The following UMODL1 variants were observed in gnomAD, a reference collection of about 807,000 sequenced individuals.
UMODL1 encodes the protein uromodulin-like 1.
UMODL1 carries 128 observed loss-of-function variants against 136.3 expected under a neutral mutation model. The observed-to-expected ratio is 0.94, with a 90% CI of 0.81 to 1.09. The LOEUF (loss-of-function observed/expected upper bound fraction) is 1.09. Among genes scored for constraint, UMODL1 ranks in the 50% least tolerant of loss-of-function variants. The probability of loss-of-function intolerance (pLI) is 0.00; values close to 1 mark genes in which losing one functional copy is unlikely to be tolerated. For missense variants in UMODL1, 1,766 were observed against 1,725.6 expected, an observed-to-expected ratio of 1.02 and a Z score of -0.41; for synonymous variants, 721 against 720.0, an observed-to-expected ratio of 1.00 and a Z score of -0.02.
intron 9 of UMODL1, among the ~76,000 whole-genome samples, chr21:42,104,455 CT>C (rs536063448): frequency 3.2e-4 from 46 of 143,658 alleles, no homozygotes; most frequent in Admixed American, 3.5e-4. Flanking sequence ...CTTTTCTTTT[CT>C]TTTTTTTTTT....
Position 42,119,169 on chromosome 21 carries a change from T to G in UMODL1, c.2534T>G (p.Met845Arg), listed in dbSNP as rs1183930242. 1 of 1,613,978 alleles carries G rather than the reference T, an allele frequency of 6.2e-7. No homozygotes were observed. Among genetic ancestry groups the G allele is most frequent in the African/African-American group, 1.3e-5 (1 of 74,942 alleles). ...CACATGGACGCTGGTGGGGTCAGGA[T>G]GGAAGTCGTCAGCGTCACCAACGGC... is the stretch of plus-strand genomic sequence containing the variant. ...CQHMDAGGVR[M>R]EVVSVTNGSI... Residue 845 changes from methionine (M) to arginine (R), a missense_variant, in exon 15 of 23, where the codon ATG (methionine) becomes AGG (arginine). By Grantham distance (91) the Met-to-Arg change is moderately conservative (BLOSUM62 -1). Transcript: ENST00000408910.
intron 20 of UMODL1, among the ~76,000 whole-genome samples, chr21:42,129,030 C>T (rs917830182): frequency 2.0e-5 from 3 of 151,688 alleles, no homozygotes; most frequent in Non-Finnish European, 2.9e-5. Context: ...CTGGTGGCCT[C>T]GGGCGTTCCT....
At chr21:42,137,359 C>G in intron 21 of UMODL1, 80 bp from the exon 22 acceptor site, 1 of 1,545,540 alleles carries the variant, frequency 6.5e-7, no homozygotes, top group South Asian at 1.2e-5. Context: ...CCATCAGCCC[C>G]GGATCCGGGT....
At chr21:42,115,736 T>C in intron 13 of UMODL1, 137 bp from the exon 14 acceptor site, 2 of 647,474 alleles carry the variant, frequency 3.1e-6, no homozygotes, top group East Asian at 3.1e-5. Context: ...CCTGGCACTA[T>C]TCCTTCTTTC....
At chr21:42,102,079 C>A in intron 7 of UMODL1, 87 bp from the exon 8 acceptor site, 3 of 998,530 alleles carry the variant, frequency 3.0e-6, no homozygotes, top group Non-Finnish European at 4.5e-6. Flanking sequence ...AAAATTATCC[C>A]GCCAAAGAGT....
intron 13 of UMODL1, among the ~76,000 whole-genome samples, 155 bp downstream of exon 13, chr21:42,113,985 G>C (rs960778293): frequency 2.0e-5 from 3 of 152,256 alleles, no homozygotes; most frequent in Admixed American, 6.5e-5. Context: ...CAGCAGGCGT[G>C]CAATGACGGC....
chr21:42,115,476 G>A (rs754307251), intron 13 of UMODL1, among the ~76,000 whole-genome samples: 1 of 152,226 alleles, frequency 6.6e-6, no homozygotes. Context: ...TTATACCTGG[G>A]ACAGCCCAGT....
chr21:42,076,234 C>T lies in UMODL1; in HGVS notation c.306C>T (p.Leu102=), dbSNP rs760824760. 2 of 1,614,244 alleles carry T rather than the reference C, an allele frequency of 1.2e-6. No individual in the cohort carries two copies. Among genetic ancestry groups the T allele is most frequent in the East Asian group, 4.5e-5 (2 of 44,886 alleles). Residue 102 remains leucine (L), a synonymous_variant, in exon 2 of 23, where the codon CTC becomes CTT. Coordinates refer to ENST00000408910, the MANE Select transcript of UMODL1 (RefSeq NM_001004416.3). ...GTGAGGGCTATGAACAGCTCGGCCT[C>T]TACTGTGTCTTGCGTGAGTCCAGGG... is the stretch of plus-strand genomic sequence containing the variant. The part of the protein sequence containing the change: ...DCCEGYEQLG[L]YCVLPLNQSG...
At chr21:42,120,469 C>G (rs570622185) in intron 15 of UMODL1, 2 of 152,300 alleles carry the variant, frequency 1.3e-5, no homozygotes, top group South Asian at 4.1e-4. Flanking sequence ...GCTAAGTTAC[C>G]AGGTGTCCCC....
At chr21:42,101,491 T>C (rs1203030794) in intron 7 of UMODL1, among the ~76,000 whole-genome samples, 5 of 152,226 alleles carry the variant, frequency 3.3e-5, no homozygotes, top group Admixed American at 2.0e-4. Flanking sequence ...GGGGCACAGC[T>C]GCAGGTGGCT....
rs2066679638 is a variant in UMODL1 at position 42,104,090 on chromosome 21, A to G, written c.1519+3A>G. On this transcript the variant is annotated splice_donor_region_variant and intron_variant, in intron 9 of 22. Coordinates refer to ENST00000408910, the MANE Select transcript of UMODL1 (RefSeq NM_001004416.3). ...CCGGCAGGGGACACGCGTGCAAGGTATGGCCCAGCCACCCGCCCTGCTGCC... is the reference window on the plus strand; with the variant it reads ...CCGGCAGGGGACACGCGTGCAAGGTGTGGCCCAGCCACCCGCCCTGCTGCC... 1 of 1,603,652 alleles carries G rather than the reference A, an allele frequency of 6.2e-7. No individual in the cohort carries two copies. Among genetic ancestry groups the G allele is most frequent in the Non-Finnish European group, 8.5e-7 (1 of 1,172,516 alleles).
At chr21:42,072,385 C>T (rs1014333977) in intron 1 of UMODL1, among the ~76,000 whole-genome samples, 3 of 152,164 alleles carry the variant, frequency 2.0e-5, no homozygotes, top group African/African-American at 4.8e-5. Context: ...ACTACTTTAA[C>T]GTTTTTCACC....
chr21:42,093,776 G>A (rs1034095930), intron 6 of UMODL1: 6 of 416,812 alleles, frequency 1.4e-5, no homozygotes, highest in African/African-American at 1.2e-4. Flanking sequence ...GGAAAGAGAG[G>A]TTTTCACAGT....
chr21:42,119,734 T>G (rs2146522967), intron 15 of UMODL1, among the ~76,000 whole-genome samples: 1 of 152,332 alleles, frequency 6.6e-6, no homozygotes, highest in Admixed American at 6.5e-5. Flanking sequence ...GATTCTTTTC[T>G]CCTATCATAC....
chr21:42,080,439 C>A (rs1185891071), intron 2 of UMODL1, among the ~76,000 whole-genome samples: 1 of 152,182 alleles, frequency 6.6e-6, no homozygotes. Context: ...TCCTATCCCC[C>A]AGACAGTGGT....
At chr21:42,088,159 T>C (rs2066447133) in intron 4 of UMODL1, 135 bp from the exon 5 acceptor site, 1 of 868,644 alleles carries the variant, frequency 1.2e-6, no homozygotes, top group Non-Finnish European at 1.7e-6. Flanking sequence ...AGATAAGTAC[T>C]GTAGAGGTTC....
chr21:42,141,110 G>A (rs1296040621), intron 22 of UMODL1, among the ~76,000 whole-genome samples: 1 of 152,170 alleles, frequency 6.6e-6, no homozygotes, highest in Non-Finnish European at 1.5e-5. Flanking sequence ...GCAAAGTATA[G>A]TAGACACTGG....
At chr21:42,108,053 G>A (rs986201181) in intron 9 of UMODL1, among the ~76,000 whole-genome samples, 1 of 152,224 alleles carries the variant, frequency 6.6e-6, no homozygotes, top group Non-Finnish European at 1.5e-5. Flanking sequence ...TGGAGGGCCG[G>A]CAAGCCTCAA....
chr21:42,139,653 G>A (rs926000263), intron 22 of UMODL1, among the ~76,000 whole-genome samples: 3 of 152,168 alleles, frequency 2.0e-5, no homozygotes, highest in African/African-American at 4.8e-5. Flanking sequence ...GCATGACCCA[G>A]CACCGACCCA....
Sources: allele counts gnomAD v4.1 joint callset (sites outside exome capture counted in the v4.1 genomes callset), GRCh38; gene constraint gnomAD v4.1.1; transcripts MANE v1.5; gene names NCBI Gene and HGNC (gene_info 2026-07-23, HGNC 2026-07-21).